The following FRMPD4 variants were observed in gnomAD, a reference collection of about 807,000 sequenced individuals.
FRMPD4 encodes the protein FERM and PDZ domain containing 4.
In FRMPD4, 22 loss-of-function variants were observed where a neutral mutation model predicts 94.1. The ratio of observed to expected loss-of-function variants is 0.23; its 90% CI spans 0.17 to 0.33. The LOEUF is 0.33. FRMPD4 is among the 10% of genes least tolerant of loss of function. The probability of loss-of-function intolerance (pLI) is 1.00; values close to 1 mark genes in which losing one functional copy is unlikely to be tolerated. For synonymous variants in FRMPD4, 631 were observed against 548.6 expected, an observed-to-expected ratio of 1.15 and a Z score of -2.10; for missense variants, 1,111 against 1,339.9, an observed-to-expected ratio of 0.83 and a Z score of 2.67.
At chrX:12,266,699 T>G (rs1261614820) in intron 1 of FRMPD4, among the ~76,000 whole-genome samples, 3 of 111,740 alleles carry the variant, frequency 2.7e-5, no homozygotes, top group African/African-American at 9.8e-5. Context: ...TTAATTTATG[T>G]ATTAAAAACT....
At chrX:12,515,177 A>C (rs1340243550) in intron 2 of FRMPD4, among the ~76,000 whole-genome samples, 1 of 111,327 alleles carries the variant, frequency 9.0e-6, no homozygotes, top group African/African-American at 3.3e-5. Context: ...ATTTTTTAAA[A>C]TGTGTTTTCA....
chrX:12,609,580 A>C (rs976037584), intron 2 of FRMPD4, 141 bp from the exon 3 acceptor site: 27 of 501,910 alleles, frequency 5.4e-5, no homozygotes, highest in Non-Finnish European at 8.1e-5. Flanking sequence ...GCCACGAAAG[A>C]AGCATGACTA....
intron 3 of FRMPD4, among the ~76,000 whole-genome samples, chrX:12,013,714 G>C (rs867484567): frequency 1.4e-4 from 16 of 113,208 alleles, no homozygotes; most frequent in Middle Eastern, 9.2e-3. Flanking sequence ...GAGGTTATTA[G>C]TTTTTTCTTC....
chrX:12,026,428 G>T (rs761123804), intron 3 of FRMPD4, among the ~76,000 whole-genome samples: 5 of 111,490 alleles, frequency 4.5e-5, no homozygotes, highest in Admixed American at 9.5e-5. Context: ...ACCGAGAAAT[G>T]TGAAAAGTCT....
chrX:12,129,273 G>T (rs2055526354), intron 3 of FRMPD4, among the ~76,000 whole-genome samples: 2 of 111,803 alleles, frequency 1.8e-5, no homozygotes, highest in Admixed American at 1.9e-4. Flanking sequence ...GGAGGCCTCA[G>T]GAAACTTACA....
At chrX:12,297,000 C>G in intron 1 of FRMPD4, among the ~76,000 whole-genome samples, 1 of 112,595 alleles carries the variant, frequency 8.9e-6, no homozygotes, top group Non-Finnish European at 1.9e-5. Flanking sequence ...GGTACTCACA[C>G]TTATCTGAGT....
chrX:12,461,551 T>C (rs1418122422), intron 1 of FRMPD4, among the ~76,000 whole-genome samples: 1 of 112,101 alleles, frequency 8.9e-6, no homozygotes, highest in Non-Finnish European at 1.9e-5. Context: ...TTTAAATTGT[T>C]CGTAATTTGC....
intron 2 of FRMPD4, among the ~76,000 whole-genome samples, chrX:12,585,137 C>T (rs1192034722): frequency 9.0e-6 from 1 of 110,916 alleles, no homozygotes; most frequent in Non-Finnish European, 1.9e-5. Context: ...AGGCTGATCT[C>T]GAACTCCTGA....
At chrX:12,586,227 A>C (rs184915807) in intron 2 of FRMPD4, among the ~76,000 whole-genome samples, 1 of 112,850 alleles carries the variant, frequency 8.9e-6, no homozygotes, top group Non-Finnish European at 1.9e-5. Context: ...ATACTAAAAG[A>C]GCTAAAACGC....
chrX:12,064,952 G>T (rs2054909911), intron 3 of FRMPD4, among the ~76,000 whole-genome samples: 2 of 111,957 alleles, frequency 1.8e-5, no homozygotes, highest in African/African-American at 6.5e-5. Flanking sequence ...TTAGTAATAA[G>T]TACACAGAAT....
At chrX:12,028,545 G>A (rs1675907346) in intron 3 of FRMPD4, among the ~76,000 whole-genome samples, 1 of 109,019 alleles carries the variant, frequency 9.2e-6, no homozygotes, top group South Asian at 4.1e-4. Flanking sequence ...ACATTTTATG[G>A]GTTAAGACAA....
intron 1 of FRMPD4, among the ~76,000 whole-genome samples, chrX:12,263,436 T>C (rs754477403): frequency 8.1e-5 from 9 of 111,769 alleles, no homozygotes; most frequent in Non-Finnish European, 1.7e-4. Flanking sequence ...ACATCAGATA[T>C]ACAGGACCTT....
chrX:12,247,215 A>G (rs774296754), intron 1 of FRMPD4, among the ~76,000 whole-genome samples: 1 of 111,696 alleles, frequency 9.0e-6, no homozygotes, highest in Admixed American at 9.5e-5. Flanking sequence ...TATCCATAGC[A>G]TCCCCTCCCC....
chrX:11,946,345 C>T (rs914189075), intron 3 of FRMPD4, among the ~76,000 whole-genome samples: 5 of 111,899 alleles, frequency 4.5e-5, no homozygotes, highest in African/African-American at 1.6e-4. Flanking sequence ...TCTAGCCCTC[C>T]GTCCTCTAGA....
intron 1 of FRMPD4, among the ~76,000 whole-genome samples, chrX:12,162,421 T>A (rs2056041063): frequency 1.8e-5 from 2 of 112,386 alleles, no homozygotes; most frequent in Admixed American, 9.5e-5. Context: ...TGCAGCACCT[T>A]CTTCTTGGAA....
At chrX:12,035,311 C>G (rs2054715014) in intron 3 of FRMPD4, among the ~76,000 whole-genome samples, 1 of 111,338 alleles carries the variant, frequency 9.0e-6, no homozygotes, top group African/African-American at 3.3e-5. Context: ...TACAACACCA[C>G]AAAGTTGGTA....
intron 2 of FRMPD4, among the ~76,000 whole-genome samples, chrX:12,529,195 A>G (rs1438212838): frequency 1.8e-5 from 2 of 111,574 alleles, no homozygotes; most frequent in Admixed American, 1.9e-4. Context: ...TGGCAGGATT[A>G]GGTTTCTCCA....
At position 11,948,852 on chromosome X, in the gene FRMPD4, T is replaced by A. The variant is rs755048626; in HGVS notation, c.95+70834T>A. Among the ~76,000 whole-genome samples the A allele has an allele frequency of 7.1e-5, 8 of 112,169 alleles. No homozygotes were observed. The East Asian group carries it at 2.0e-3, about 28-fold the overall frequency. ...AATAAATTAGTAACTGACTCATAAATCCTGGTATTCTGGCCAATTAAGATT... is the reference window on the plus strand; with the variant it reads ...AATAAATTAGTAACTGACTCATAAAACCTGGTATTCTGGCCAATTAAGATT... On this transcript the variant is annotated intron_variant, in intron 3 of 18. Coordinates refer to the FRMPD4 transcript ENST00000640291.
chrX:12,710,137 T>C (rs377702292), intron 13 of FRMPD4, among the ~76,000 whole-genome samples: 25 of 70,023 alleles, frequency 3.6e-4, no homozygotes, highest in Non-Finnish European at 3.0e-4. Context: ...CAAATATAGA[T>C]AGACAGATAG....
Sources: allele counts gnomAD v4.1 joint callset (sites outside exome capture counted in the v4.1 genomes callset), GRCh38; gene constraint gnomAD v4.1.1; transcripts MANE v1.5; gene names NCBI Gene and HGNC (gene_info 2026-07-23, HGNC 2026-07-21).